Variants in TUSC3 observed in about 807,000 individuals in gnomAD.
TUSC3 encodes tumor suppressor candidate 3, also known as dolichyl-diphosphooligosaccharide--protein glycosyltransferase subunit TUSC3.
TUSC3 carries 45 observed loss-of-function variants against 44.8 expected under a neutral mutation model. The observed-to-expected ratio is 1.00, with a 90% CI of 0.79 to 1.29. TUSC3 has a LOEUF of 1.29. Among genes scored for constraint, TUSC3 ranks in the 50% most tolerant of loss-of-function variants. The pLI is 0.00. For missense variants in TUSC3, 519 were observed against 437.9 expected (o/e 1.19, Z -1.65); for synonymous variants, 212 against 152.9 (o/e 1.39, Z -2.85).
chr8:15,667,268 C>A (rs754572402), intron 5 of TUSC3, among the ~76,000 whole-genome samples: 6 of 151,538 alleles, frequency 4.0e-5, no homozygotes, highest in Non-Finnish European at 8.9e-5. Flanking sequence ...AAAGATACGT[C>A]TTACCTTTCC....
At chr8:15,579,043 G>T (rs1803221186) in intron 1 of TUSC3, among the ~76,000 whole-genome samples, 1 of 151,784 alleles carries the variant, frequency 6.6e-6, no homozygotes, top group Non-Finnish European at 1.5e-5. Context: ...GTTTAGTCTT[G>T]GGAGAGTGTA....
intron 1 of TUSC3, among the ~76,000 whole-genome samples, chr8:15,612,198 C>T (rs112071173): frequency 6.6e-6 from 1 of 152,024 alleles, no homozygotes; most frequent in Non-Finnish European, 1.5e-5. Flanking sequence ...TAGCAGGTAC[C>T]TGAATAAGTA....
At position 15,469,279 on chromosome 8, in the gene TUSC3, A is replaced by G. The variant is rs554923188; in HGVS notation, n.92-14107A>G. Among the ~76,000 whole-genome samples, 22 of 152,366 alleles carry G rather than the reference A, an allele frequency of 1.4e-4. 1 individual carries two copies. The highest frequency in any genetic ancestry group is 5.0e-4 in the African/African-American group (21 of 41,594). On this transcript the variant is annotated intron_variant and non_coding_transcript_variant, in intron 1 of 5. Transcript: ENST00000503191. ...AAGACACATCTGATAAAGGACTGTT[A>G]TCCAAAATATACAAAGAACTCTTTA...
At chr8:15,615,215 T>C (rs1804939120) in intron 1 of TUSC3, among the ~76,000 whole-genome samples, 1 of 152,178 alleles carries the variant, frequency 6.6e-6, no homozygotes, top group Admixed American at 6.5e-5. Context: ...AACCTAAGTG[T>C]CCATCAATAG....
At chr8:15,663,518 A>C (rs1807518965) in intron 5 of TUSC3, among the ~76,000 whole-genome samples, 2 of 151,914 alleles carry the variant, frequency 1.3e-5, no homozygotes, top group African/African-American at 4.8e-5. Context: ...GGCAAGAGTC[A>C]CCTTGAAGCA....
At chr8:15,845,129 A>G in the TUSC3 span, among the ~76,000 whole-genome samples, 2 of 152,156 alleles carry the variant, frequency 1.3e-5, no homozygotes, top group African/African-American at 4.8e-5. Context: ...AAGTTAGAAC[A>G]AGAAGAAACC....
At chr8:15,546,928 TG>T (rs1801890654) in intron 1 of TUSC3, among the ~76,000 whole-genome samples, 1 of 151,710 alleles carries the variant, frequency 6.6e-6, no homozygotes, top group Non-Finnish European at 1.5e-5. Context: ...TTTTTAATGT[TG>T]GAAGGCACAA....
chr8:15,496,909 T>C (rs75429945), intron 2 of TUSC3, among the ~76,000 whole-genome samples: 6 of 89,834 alleles, frequency 6.7e-5, no homozygotes, highest in African/African-American at 9.6e-5. Context: ...AAGATGAATT[T>C]ATTCATTCAT....
At chr8:15,673,109 C>G (rs1808021442) in intron 5 of TUSC3, among the ~76,000 whole-genome samples, 2 of 152,074 alleles carry the variant, frequency 1.3e-5, no homozygotes, top group Admixed American at 6.6e-5. Context: ...TCTCCCCACC[C>G]TCTCTGCAAT....
At position 15,659,508 on chromosome 8, in the gene TUSC3, T is replaced by G. The variant is rs374410290; in HGVS notation, c.428T>G (p.Leu143Arg). The change falls in exon 4 of 11, where the codon CTC becomes CGC. Residue 143 changes from leucine (L) to arginine (R), a missense_variant and splice_region_variant. Coordinates refer to ENST00000503731, the MANE Select transcript of TUSC3 (RefSeq NM_006765.4). ...GTATTTTTTTCTCATGTTTTACAGC[T>G]CAACATGAACTCTGCTCCTACATTC... Reference protein sequence around the residue: ...YDEGTDVFQQLNMNSAPTFMH... With the variant: ...YDEGTDVFQQRNMNSAPTFMH... 1 of 1,612,126 alleles carries G rather than the reference T, an allele frequency of 6.2e-7. No homozygotes were observed. Among genetic ancestry groups the G allele is most frequent in the Non-Finnish European group, 8.5e-7 (1 of 1,179,490 alleles).
At chr8:15,680,162 G>C (rs373951448) in intron 6 of TUSC3, among the ~76,000 whole-genome samples, 1 of 151,938 alleles carries the variant, frequency 6.6e-6, no homozygotes, top group Admixed American at 6.6e-5. Context: ...TGAACCCGTA[G>C]ATTGCTTTGG....
At chr8:15,538,612 C>A (rs1390002190), upstream of TUSC3, among the ~76,000 whole-genome samples, 1 of 152,064 alleles carries the variant, frequency 6.6e-6, no homozygotes, top group Admixed American at 6.6e-5. Flanking sequence ...ATCTGGAGTC[C>A]ATGAAATTTC....
At chr8:15,706,257 G>C (rs1487657990) in intron 6 of TUSC3, among the ~76,000 whole-genome samples, 1 of 151,792 alleles carries the variant, frequency 6.6e-6, no homozygotes, top group East Asian at 1.9e-4. Context: ...TTTCATTTGA[G>C]AGTCTAATAG....
chr8:15,500,033 C>T (rs1800937692), intron 2 of TUSC3, among the ~76,000 whole-genome samples: 1 of 152,102 alleles, frequency 6.6e-6, no homozygotes, highest in Admixed American at 6.6e-5. Flanking sequence ...CCATCTTAGC[C>T]ATTTATTGTC....
At chr8:15,806,876 T>A in the TUSC3 span, 6 of 1,159,570 alleles carry the variant, frequency 5.2e-6, no homozygotes, top group South Asian at 6.1e-5. Context: ...AATAATTATG[T>A]TGGGGAGAAA....
the TUSC3 span, among the ~76,000 whole-genome samples, chr8:15,844,932 C>A: frequency 6.6e-6 from 1 of 152,052 alleles, no homozygotes; most frequent in Admixed American, 6.6e-5. Context: ...ATATTTTCTA[C>A]CACCTCTTAA....
At chr8:15,817,088 C>T in the TUSC3 span, among the ~76,000 whole-genome samples, 3 of 152,072 alleles carry the variant, frequency 2.0e-5, no homozygotes, top group African/African-American at 4.8e-5. Context: ...ACAGTCTGGT[C>T]GTTATCTAAA....
chr8:15,493,117 A>G (rs960366617), intron 2 of TUSC3, among the ~76,000 whole-genome samples: 1 of 152,248 alleles, frequency 6.6e-6, no homozygotes, highest in Non-Finnish European at 1.5e-5. Context: ...GGTAGATATT[A>G]TTAACAGAAT....
At chr8:15,554,914 T>C (rs1802187962) in intron 1 of TUSC3, among the ~76,000 whole-genome samples, 2 of 151,256 alleles carry the variant, frequency 1.3e-5, no homozygotes, top group Admixed American at 1.3e-4. Flanking sequence ...CAACATTTTA[T>C]TATAATTTTA....
Sources: allele counts gnomAD v4.1 joint callset (sites outside exome capture counted in the v4.1 genomes callset), GRCh38; gene constraint gnomAD v4.1.1; transcripts MANE v1.5; gene names NCBI Gene and HGNC (gene_info 2026-07-23, HGNC 2026-07-21).